TTYH2: variants seen among roughly 807,000 people sequenced by gnomAD.
TTYH2 encodes protein tweety homolog 2.
A neutral mutation model predicts 68.3 loss-of-function variants in TTYH2; 49 were observed. The ratio of observed to expected loss-of-function variants is 0.72; its 90% confidence interval spans 0.57 to 0.91. The LOEUF is 0.91. Among genes scored for constraint, TTYH2 ranks in the 40% least tolerant of loss-of-function variants. The probability of loss-of-function intolerance (pLI) is 0.00; values close to 1 mark genes in which losing one functional copy is unlikely to be tolerated. For missense variants in TTYH2, 631 were observed against 700.4 expected, an observed-to-expected ratio of 0.90 and a Z score of 1.12; for synonymous variants, 272 against 300.8, an observed-to-expected ratio of 0.90 and a Z score of 0.99.
chr17:74,242,324 C>T (rs763372551), intron 4 of TTYH2, among the ~76,000 whole-genome samples: 7 of 152,232 alleles, frequency 4.6e-5, no homozygotes, highest in Non-Finnish European at 8.8e-5. Context: ...CGAGCCCACT[C>T]ACCTGGGTAT....
In TTYH2 at chr17:74,230,967, G is replaced by A. The variant is rs1335268818; in HGVS notation, c.382G>A (p.Ala128Thr). The stretch of plus-strand genomic sequence containing the variant: ...CCAGCTGATGTACTCCTTGGACGAT[G>A]CCAACCACACCTTCTCTGGGATCGA... ...AYQLMYSLDD[A>T]NHTFSGIDAL... Residue 128 changes from alanine to threonine, a missense_variant, in exon 3 of 14, where the codon GCC becomes ACC. Physicochemically the swap from Ala to Thr is moderately conservative, Grantham distance 58. Transcript: ENST00000269346. 2 of 1,614,112 alleles carry A rather than the reference G, an allele frequency of 1.2e-6. No homozygotes were observed. Among genetic ancestry groups the A allele is most frequent in the East Asian group, 4.5e-5 (2 of 44,872 alleles).
rs191147257 is a variant in TTYH2 at position 74,241,354 on chromosome 17, C to T, written c.636-2020C>T. 6.9e-4 allele frequency among the ~76,000 whole-genome samples: 105 copies of T among 152,014 alleles called. No homozygotes were observed. Among genetic ancestry groups the T allele is most frequent in the African/African-American group, 2.4e-3 (100 of 41,448 alleles). ...AGATGGTTTGCGAGGTTCCTTCCAGCTCTGAGCTAAGTCTAAGGAAACTGG... is the reference window on the plus strand; with the variant it reads ...AGATGGTTTGCGAGGTTCCTTCCAGTTCTGAGCTAAGTCTAAGGAAACTGG... On this transcript the variant is annotated intron_variant, in intron 4 of 13. Coordinates refer to ENST00000269346, the MANE Select transcript of TTYH2 (RefSeq NM_032646.6). The surrounding 1 kb of genome is among the most constrained non-coding windows in gnomAD (Gnocchi z 4.1).
intron 4 of TTYH2, among the ~76,000 whole-genome samples, chr17:74,238,867 CA>C (rs56366411): frequency 0.18 from 24,091 of 130,998 alleles, 1,961 homozygotes; most frequent in African/African-American, 0.22. Flanking sequence ...AACTCCATCT[CA>C]AAAAAAAAAA....
rs2050283792 is a variant in TTYH2 at position 74,222,352 on chromosome 17, C to T, written c.130-133C>T. ...TGTTTACAGAGTAGGAGCTTGAACCCTAGGTGGAGCTTGGAAGGATGGACG... is the reference window on the plus strand; with the variant it reads ...TGTTTACAGAGTAGGAGCTTGAACCTTAGGTGGAGCTTGGAAGGATGGACG... On this transcript the variant is annotated intron_variant, in intron 1 of 13. Transcript: ENST00000269346. The surrounding 1 kb of genome is among the most constrained non-coding windows in gnomAD (Gnocchi z 5.2). 1.8e-6 allele frequency: 2 copies of T among 1,092,226 alleles called. No individual in the cohort carries two copies. Among genetic ancestry groups the T allele is most frequent in the Admixed American group, 5.5e-5 (2 of 36,136 alleles). 67.7% of individuals were successfully genotyped at this position (1,092,226 alleles called of 1,614,324 possible).
At chr17:74,225,755 C>A (rs560342702) in intron 2 of TTYH2, among the ~76,000 whole-genome samples, 1 of 152,164 alleles carries the variant, frequency 6.6e-6, no homozygotes, top group Non-Finnish European at 1.5e-5. Flanking sequence ...CAGTCTCCTA[C>A]CAGCACCTCC....
intron 6 of TTYH2, among the ~76,000 whole-genome samples, chr17:74,246,102 A>C (rs1401429648): frequency 6.6e-6 from 1 of 152,116 alleles, no homozygotes; most frequent in African/African-American, 2.4e-5. Context: ...GAAGCCCTGG[A>C]AGAAGGAAGG....
At position 74,239,086 on chromosome 17, in the gene TTYH2, C is replaced by T. The variant is rs137883672; in HGVS notation, c.635+1572C>T. On this transcript the variant is annotated intron_variant, in intron 4 of 13. Coordinates refer to ENST00000269346, the MANE Select transcript of TTYH2 (RefSeq NM_032646.6). The surrounding 1 kb of genome is among the most constrained non-coding windows in gnomAD (Gnocchi z 5.3). ...TCACTTAGGTGTACAAACTCATGCC[C>T]GTGTCATCTGACCTCTGGGGCTTTG... Among the ~76,000 whole-genome samples, 558 of 152,208 alleles carry T rather than the reference C, an allele frequency of 3.7e-3. 4 individuals are homozygous for T. Among genetic ancestry groups the T allele is most frequent in the Non-Finnish European group, 6.5e-3 (445 of 68,018 alleles).
At chr17:74,223,371 C>T (rs2050298412) in intron 2 of TTYH2, among the ~76,000 whole-genome samples, 1 of 152,126 alleles carries the variant, frequency 6.6e-6, no homozygotes, top group African/African-American at 2.4e-5. Context: ...AGTGATCCAC[C>T]TGCCTCAGCC....
At chr17:74,223,829 C>T (rs2050303234) in intron 2 of TTYH2, among the ~76,000 whole-genome samples, 1 of 152,194 alleles carries the variant, frequency 6.6e-6, no homozygotes, top group African/African-American at 2.4e-5. Context: ...CATACCCAGG[C>T]AGCTCACCTT....
rs59096145 is a variant in TTYH2 at position 74,241,296 on chromosome 17, T to TGTGTGTGTGTGTGTGCGC, written c.636-2077_636-2076insTGTGTGTGTGTGTGCGCG. 5.5e-5 allele frequency among the ~76,000 whole-genome samples: 8 copies of TGTGTGTGTGTGTGTGCGC among 146,370 alleles called. No homozygotes were observed. The highest frequency in any genetic ancestry group is 2.0e-4 in the East Asian group (1 of 5,042). Reference sequence around the variant, plus strand: ...GTGTGTGTGTGTGTGTGTGTGTGTGTGCGTGTAAAAATAAGAATGTGATCC... The same window carrying TGTGTGTGTGTGTGTGCGC: ...GTGTGTGTGTGTGTGTGTGTGTGTGTGTGTGTGTGTGTGTGCGCGCGTGTAAAAATAAGAATGTGATCC... On this transcript the variant is annotated intron_variant, in intron 4 of 13. Coordinates refer to ENST00000269346, the MANE Select transcript of TTYH2 (RefSeq NM_032646.6). The surrounding 1 kb of genome is among the most constrained non-coding windows in gnomAD (Gnocchi z 4.1).
At position 74,260,243 on chromosome 17, in the gene TTYH2, T is replaced by C. The variant is rs2050736054; in HGVS notation, c.*34T>C. The C allele has an allele frequency of 6.2e-7, 1 of 1,605,112 alleles. No homozygotes were observed. Among genetic ancestry groups the C allele is most frequent in the African/African-American group, 1.3e-5 (1 of 74,666 alleles). On this transcript the variant is annotated 3_prime_UTR_variant, in exon 14 of 14. Transcript: ENST00000269346. ...CGGGGGTTCCTGCCTCCTTTTTCCG[T>C]TCTGGTTTTTAATTAGTGCAAATAC...
In TTYH2 at chr17:74,260,281, T is replaced by C; in HGVS notation, c.*72T>C. ...TTAGTGCAAATACAAGCTGCGTTTC[T>C]TTAATAGAAACCAAAGGCATCTGGA... On this transcript the variant is annotated 3_prime_UTR_variant, in exon 14 of 14. Coordinates refer to ENST00000269346, the MANE Select transcript of TTYH2 (RefSeq NM_032646.6). 6 of 1,520,462 alleles carry C rather than the reference T, an allele frequency of 3.9e-6. No homozygotes were observed. The highest frequency in any genetic ancestry group is 4.5e-6 in the Non-Finnish European group (5 of 1,100,340). The allele number at this position is 1,520,462 out of a possible 1,614,324, so 94.2% of individuals were successfully genotyped here.
chr17:74,249,659 C>T (rs1280875885), intron 8 of TTYH2, among the ~76,000 whole-genome samples: 2 of 152,198 alleles, frequency 1.3e-5, no homozygotes, highest in African/African-American at 4.8e-5. Flanking sequence ...AGATTCTGTA[C>T]TACTCACAAG....
intron 6 of TTYH2, among the ~76,000 whole-genome samples, chr17:74,246,908 TGTG>T (rs763625385): frequency 4.2e-4 from 64 of 151,926 alleles, no homozygotes; most frequent in Non-Finnish European, 6.8e-4. Flanking sequence ...ATCTGCCAGG[TGTG>T]GTGGCTCACA....
chr17:74,248,815 ATAAG>A, intron 6 of TTYH2, 192 bp from the exon 7 acceptor site: 1 of 1,424,762 alleles, frequency 7.0e-7, no homozygotes, highest in Non-Finnish European at 9.2e-7. Context: ...CACAGGAAGA[ATAAG>A]TAACTTGTCC....
At chr17:74,224,421 C>A (rs529607610) in intron 2 of TTYH2, among the ~76,000 whole-genome samples, 1 of 152,244 alleles carries the variant, frequency 6.6e-6, no homozygotes, top group East Asian at 1.9e-4. Context: ...CACATACATG[C>A]ACACACACAG....
chr17:74,226,733 A>T lies in TTYH2; in HGVS notation c.302+4076A>T, dbSNP rs115841373. On this transcript the variant is annotated intron_variant, in intron 2 of 13. Coordinates refer to ENST00000269346, the MANE Select transcript of TTYH2 (RefSeq NM_032646.6). ...CTGAAAAAGCAAAAGGGATAGGAGG[A>T]TATACCTCTTTGTTCTCCTCTATTA... Among the ~76,000 whole-genome samples, 1,064 of 152,150 alleles carry T rather than the reference A, an allele frequency of 7.0e-3. 11 individuals are homozygous for T. The highest frequency in any genetic ancestry group is 0.024 in the African/African-American group (1,011 of 41,480).
At chr17:74,226,811 G>A (rs2050334931) in intron 2 of TTYH2, among the ~76,000 whole-genome samples, 1 of 152,080 alleles carries the variant, frequency 6.6e-6, no homozygotes, top group African/African-American at 2.4e-5. Context: ...GAACACACCA[G>A]GGGGAAAGCA....
At chr17:74,256,710 G>A (rs2050696684) in intron 13 of TTYH2, among the ~76,000 whole-genome samples, 1 of 151,984 alleles carries the variant, frequency 6.6e-6, no homozygotes, top group African/African-American at 2.4e-5. Context: ...AGTACGTGGT[G>A]CAATCTCAGC....
Sources: allele counts gnomAD v4.1 joint callset (sites outside exome capture counted in the v4.1 genomes callset), GRCh38; gene constraint gnomAD v4.1.1; non-coding constraint Gnocchi (gnomAD v3.1); transcripts MANE v1.5; gene names NCBI Gene and HGNC (gene_info 2026-07-23, HGNC 2026-07-21).